The following AP1G1 variants were observed in gnomAD, a reference collection of about 807,000 sequenced individuals.
AP1G1 encodes adaptor related protein complex 1 subunit gamma 1.
A neutral mutation model predicts 108.3 loss-of-function variants in AP1G1; 7 were observed. The ratio of observed to expected loss-of-function variants is 0.06; its 90% CI spans 0.04 to 0.12. AP1G1 has a LOEUF of 0.12. Ranked by LOEUF, AP1G1 falls within the 10% of genes least tolerant of loss-of-function variation. The pLI, the probability that AP1G1 is intolerant of heterozygous loss-of-function variation, is 1.00. For missense variants in AP1G1, 756 were observed against 1,010.7 expected (o/e 0.75, Z 3.42); for synonymous variants, 379 against 353.5 (o/e 1.07, Z -0.81).
chr16:71,767,782 A>G, intron 6 of AP1G1: 1 of 1,180,658 alleles, frequency 8.5e-7, no homozygotes, highest in Non-Finnish European at 1.2e-6. Context: ...CTTCAGCATT[A>G]GTATATTTTA....
At position 71,729,239 on chromosome 16, in the gene AP1G1, T is replaced by A. The variant is rs2045455660; in HGVS notation, c.*3819A>T. 1 of 152,434 alleles carries A rather than the reference T, an allele frequency of 6.6e-6. No individual in the cohort carries two copies. The highest frequency in any genetic ancestry group is 2.4e-5 in the African/African-American group (1 of 41,380). The allele number at this position is 152,434 out of a possible 1,614,324, so 9.4% of individuals were successfully genotyped here. ...GTCCCACTTGGAAACAGCTTTTTAA[T>A]ATTTTTACAGTAAAGAAGATGTGAT... On this transcript the variant is annotated 3_prime_UTR_variant, in exon 23 of 23. Coordinates refer to ENST00000299980, the MANE Select transcript of AP1G1 (RefSeq NM_001128.6).
intron 6 of AP1G1, among the ~76,000 whole-genome samples, chr16:71,766,120 C>G (rs1239238082): frequency 6.6e-6 from 1 of 152,042 alleles, no homozygotes; most frequent in Non-Finnish European, 1.5e-5. Flanking sequence ...ACAGGGAATA[C>G]CAAAGCTGAC....
At chr16:71,755,731 C>G (rs2030749325) in intron 12 of AP1G1, among the ~76,000 whole-genome samples, 1 of 151,970 alleles carries the variant, frequency 6.6e-6, no homozygotes, top group African/African-American at 2.4e-5. Context: ...CTGCAACCTC[C>G]ACCTCCCAGG....
In AP1G1 at chr16:71,769,606, T is replaced by A; in HGVS notation, c.642+17A>T. The A allele has an allele frequency of 2.5e-6, 4 of 1,606,146 alleles. No homozygotes were observed. In the South Asian group the frequency reaches 4.4e-5, roughly 18 times the overall value. ...TTTTCAATCAAGAAAGGCTTAGGCATACAGAATGGCACCTACCTTTCTGAA... is the reference window on the plus strand; with the variant it reads ...TTTTCAATCAAGAAAGGCTTAGGCAAACAGAATGGCACCTACCTTTCTGAA... On this transcript the variant is annotated intron_variant, in intron 6 of 22. Coordinates refer to ENST00000299980, the MANE Select transcript of AP1G1 (RefSeq NM_001128.6).
Position 71,755,891 on chromosome 16 carries a change from G to A in AP1G1, c.1229+128C>T, listed in dbSNP as rs150512168. ...GAACTCCTGACTTCATGATCCACCT[G>A]CCTTGGCCTCCCAAACTGCTGAGAC... On this transcript the variant is annotated intron_variant, in intron 12 of 22. Coordinates refer to ENST00000299980, the MANE Select transcript of AP1G1 (RefSeq NM_001128.6). 5.6e-5 allele frequency: 54 copies of A among 964,076 alleles called. No homozygotes were observed. The African/African-American group carries it at 8.1e-4, about 14-fold the overall frequency. The allele number at this position is 964,076 out of a possible 1,614,324, so 59.7% of individuals were successfully genotyped here.
chr16:71,750,060 C>T (rs1167547689), intron 14 of AP1G1, 77 bp from the exon 15 acceptor site: 1 of 1,488,064 alleles, frequency 6.7e-7, no homozygotes, highest in Admixed American at 1.7e-5. Flanking sequence ...TAGGTCATCT[C>T]ATAATAAAGA....
intron 2 of AP1G1, among the ~76,000 whole-genome samples, chr16:71,782,491 T>TTA (rs1567658638): frequency 1.8e-4 from 23 of 126,180 alleles, no homozygotes; most frequent in East Asian, 1.4e-3. Context: ...TATTATTATT[T>TTA]TTATTATTAT....
chr16:71,796,527 T>G (rs1201594287), intron 1 of AP1G1, among the ~76,000 whole-genome samples: 1 of 152,176 alleles, frequency 6.6e-6, no homozygotes. Flanking sequence ...CCCCCCCTTG[T>G]GAATTACAAT....
rs946650842 is a variant in AP1G1 at position 71,739,280 on chromosome 16, C to T, written c.2061G>A (p.Leu687=). The part of the protein sequence containing the change: ...SVPQISQPPF[L]LDGLSSQPLF... ...GAGGCTGTGATGAAAGCCCATCCAA[C>T]AAGAAGGGGGGCTGGGATATCTGTG... The change falls in exon 20 of 23, where the codon TTG becomes TTA. Residue 687 remains leucine (L), a synonymous_variant. Transcript: ENST00000299980. The T allele has an allele frequency of 3.1e-6, 5 of 1,612,986 alleles. No homozygotes were observed. Among genetic ancestry groups the T allele is most frequent in the Non-Finnish European group, 4.2e-6 (5 of 1,179,792 alleles).
At position 71,729,040 on chromosome 16, in the gene AP1G1, GT is replaced by G. The variant is rs949328968; in HGVS notation, c.*4017del. On this transcript the variant is annotated 3_prime_UTR_variant, in exon 23 of 23. Coordinates refer to ENST00000299980, the MANE Select transcript of AP1G1 (RefSeq NM_001128.6). ...TATTGACTTTTTATTATTAGTCACT[GT>G]TCATAATTTGTTTCAACCAAAAGAC... The G allele has an allele frequency of 6.6e-6, 1 of 152,508 alleles. No homozygotes were observed. Among genetic ancestry groups the G allele is most frequent in the Non-Finnish European group, 1.5e-5 (1 of 68,020 alleles). 9.4% of individuals were successfully genotyped at this position (152,508 alleles called of 1,614,324 possible).
intron 1 of AP1G1, among the ~76,000 whole-genome samples, chr16:71,801,974 T>C (rs1281583818): frequency 6.6e-6 from 1 of 150,760 alleles, no homozygotes; most frequent in Non-Finnish European, 1.5e-5. Context: ...GTGTTTCAGA[T>C]TTTGGATTTT....
At chr16:71,755,459 A>C (rs2030731599) in intron 12 of AP1G1, among the ~76,000 whole-genome samples, 1 of 152,138 alleles carries the variant, frequency 6.6e-6, no homozygotes, top group Admixed American at 6.6e-5. Context: ...AACAAAAAAA[A>C]CCAGCATCAT....
intron 11 of AP1G1, among the ~76,000 whole-genome samples, chr16:71,756,931 A>AG (rs1173930793): frequency 1.9e-5 from 2 of 104,656 alleles, no homozygotes; most frequent in Non-Finnish European, 3.8e-5. Flanking sequence ...ACTCTGTCTC[A>AG]AAAAAAAAAA....
At position 71,789,302 on chromosome 16, in the gene AP1G1, C is replaced by T; in HGVS notation, c.178G>A (p.Gly60Ser). The change falls in exon 2 of 23, where the codon GGC becomes AGC. Residue 60 changes from glycine (G) to serine (S), a missense_variant. Gly to Ser is a moderately conservative substitution (Grantham distance 56). Transcript: ENST00000299980. Reference sequence around the variant, plus strand: ...ACCTGTCCAAAGTGAGCAGGGTAGCCCAGCATGTGCATATACAGTAATTTT... The same window carrying T: ...ACCTGTCCAAAGTGAGCAGGGTAGCTCAGCATGTGCATATACAGTAATTTT... Reference protein sequence around the residue: ...VAKLLYMHMLGYPAHFGQLEC... With the variant: ...VAKLLYMHMLSYPAHFGQLEC... The T allele has an allele frequency of 6.2e-7, 1 of 1,613,998 alleles. No individual in the cohort carries two copies. The highest frequency in any genetic ancestry group is 8.5e-7 in the Non-Finnish European group (1 of 1,179,980).
At chr16:71,743,945 C>CA (rs35804839) in intron 19 of AP1G1, among the ~76,000 whole-genome samples, 3,455 of 87,086 alleles carry the variant, frequency 0.04, 173 homozygotes, top group African/African-American at 0.13. Context: ...GACTCTGTCT[C>CA]AAAAAAAAAA....
chr16:71,762,304 T>A (rs2031125975), intron 9 of AP1G1, among the ~76,000 whole-genome samples: 1 of 152,190 alleles, frequency 6.6e-6, no homozygotes, highest in Non-Finnish European at 1.5e-5. Context: ...GGTACTGTGA[T>A]ATGGTGAAAT....
At position 71,798,854 on chromosome 16, in the gene AP1G1, C is replaced by T. The variant is rs1263445262; in HGVS notation, c.-3-9372G>A. Among the ~76,000 whole-genome samples the T allele has an allele frequency of 2.0e-5, 3 of 151,564 alleles. 1 individual carries two copies. The highest frequency in any genetic ancestry group is 4.4e-5 in the Non-Finnish European group (3 of 67,952). On this transcript the variant is annotated intron_variant, in intron 1 of 22. Transcript: ENST00000299980. ...AGTGAGCCGAGATCACACCACTGCA[C>T]TCTAGCCTGGGCGACAAGGGTGAGA... is the stretch of plus-strand genomic sequence containing the variant.
chr16:71,771,724 T>C (rs555050797), intron 4 of AP1G1, among the ~76,000 whole-genome samples: 1 of 152,304 alleles, frequency 6.6e-6, no homozygotes, highest in East Asian at 1.9e-4. Context: ...ATGTGGAGTT[T>C]TAAGGAAGTA....
intron 1 of AP1G1, among the ~76,000 whole-genome samples, chr16:71,806,043 AAAAG>A (rs1387458997): frequency 2.6e-5 from 4 of 152,208 alleles, no homozygotes; most frequent in South Asian, 4.1e-4. Flanking sequence ...AAAAAAAAAA[AAAAG>A]AGTTTTTATA....
Sources: allele counts gnomAD v4.1 joint callset (sites outside exome capture counted in the v4.1 genomes callset), GRCh38; gene constraint gnomAD v4.1.1; transcripts MANE v1.5; gene names NCBI Gene and HGNC (gene_info 2026-07-23, HGNC 2026-07-21).